The following AKAP7 variants were observed in gnomAD, a reference collection of about 807,000 sequenced individuals.
AKAP7 encodes the protein A kinase (PRKA) anchor protein 7.
Under a neutral mutation model 39.5 loss-of-function variants are expected in AKAP7, and 39 were observed. That is an observed-to-expected ratio of 0.99 (90% CI 0.76 to 1.29). The LOEUF is 1.29. AKAP7 is among the 50% of genes most tolerant of loss of function. The pLI is 0.00. For synonymous variants in AKAP7, 140 were observed against 139.1 expected (o/e 1.01, Z -0.05); for missense variants, 414 against 407.7 (o/e 1.02, Z -0.13).
At chr6:131,147,383 G>C (rs189648630) in intron 2 of AKAP7, among the ~76,000 whole-genome samples, 1 of 152,290 alleles carries the variant, frequency 6.6e-6, no homozygotes, top group Admixed American at 6.5e-5. Context: ...TTATTAAGCA[G>C]TCTTTCCCAT....
At chr6:131,148,505 G>A (rs909690831) in intron 2 of AKAP7, among the ~76,000 whole-genome samples, 5 of 151,876 alleles carry the variant, frequency 3.3e-5, no homozygotes, top group African/African-American at 1.2e-4. Flanking sequence ...GTTGCTTTCT[G>A]GCTAAAAAGA....
intron 2 of AKAP7, among the ~76,000 whole-genome samples, chr6:131,158,670 C>T (rs561723712): frequency 2.6e-5 from 4 of 152,134 alleles, no homozygotes; most frequent in African/African-American, 9.6e-5. Context: ...CCATGCCTGT[C>T]TAATTTTTGT....
intron 5 of AKAP7, among the ~76,000 whole-genome samples, chr6:131,176,718 G>C (rs78321642): frequency 2.0e-5 from 3 of 151,954 alleles, no homozygotes; most frequent in African/African-American, 7.3e-5. Context: ...ACTACATTCC[G>C]TGTTTTCTGC....
At chr6:131,254,363 T>G (rs1188460827) in intron 7 of AKAP7, among the ~76,000 whole-genome samples, 3 of 152,232 alleles carry the variant, frequency 2.0e-5, no homozygotes, top group African/African-American at 7.2e-5. Context: ...GAAAGGAATG[T>G]CTATCATGAA....
chr6:131,204,326 A>C (rs1439231803), intron 6 of AKAP7, among the ~76,000 whole-genome samples: 1 of 152,212 alleles, frequency 6.6e-6, no homozygotes, highest in Admixed American at 6.5e-5. Context: ...CATATAAATG[A>C]TATAAGCAGC....
At chr6:131,150,078 T>G (rs974490190) in intron 2 of AKAP7, among the ~76,000 whole-genome samples, 1 of 152,190 alleles carries the variant, frequency 6.6e-6, no homozygotes, top group Non-Finnish European at 1.5e-5. Flanking sequence ...CTCAGTCTCT[T>G]GAGTAGCTGG....
chr6:131,242,591 G>A (rs187567284), intron 7 of AKAP7, among the ~76,000 whole-genome samples: 1 of 151,732 alleles, frequency 6.6e-6, no homozygotes, highest in South Asian at 2.1e-4. Flanking sequence ...TTATTAAAAG[G>A]TAAACACAGA....
intron 2 of AKAP7, among the ~76,000 whole-genome samples, chr6:131,147,446 C>T (rs1562862617): frequency 6.6e-6 from 1 of 152,170 alleles, no homozygotes; most frequent in Non-Finnish European, 1.5e-5. Flanking sequence ...CTATATTTTC[C>T]TTTACAACTG....
chr6:131,157,277 A>C (rs1408123256), intron 2 of AKAP7, among the ~76,000 whole-genome samples: 2 of 152,198 alleles, frequency 1.3e-5, no homozygotes, highest in Non-Finnish European at 1.5e-5. Flanking sequence ...AAAATTACAC[A>C]GGGAAACTGA....
chr6:131,188,116 C>T (rs764616195), intron 5 of AKAP7, among the ~76,000 whole-genome samples: 7 of 152,164 alleles, frequency 4.6e-5, no homozygotes, highest in Non-Finnish European at 1.0e-4. Flanking sequence ...AAGAATGACA[C>T]TTAAAAATTC....
chr6:131,268,155 A>G (rs117005975), intron 7 of AKAP7, among the ~76,000 whole-genome samples: 2,483 of 152,256 alleles, frequency 0.016, 32 homozygotes, highest in Middle Eastern at 0.048. Context: ...TAATTAACCA[A>G]TCATTAATTA....
At chr6:131,248,427 G>A (rs1201976951) in intron 7 of AKAP7, among the ~76,000 whole-genome samples, 2 of 152,182 alleles carry the variant, frequency 1.3e-5, no homozygotes, top group Non-Finnish European at 2.9e-5. Context: ...ATTTTCCTCA[G>A]TGAAGAACGT....
intron 7 of AKAP7, among the ~76,000 whole-genome samples, chr6:131,273,940 C>CTTTTTT (rs1161809027): frequency 3.8e-5 from 5 of 130,312 alleles, no homozygotes; most frequent in Non-Finnish European, 6.7e-5. Flanking sequence ...GTTGCCTTTT[C>CTTTTTT]TTTTTTTTTT....
At position 131,282,377 on chromosome 6, in the gene AKAP7, TTATA is replaced by T. The variant is rs1259629184; in HGVS notation, c.*654_*657del. 2 of 1,441,280 alleles carry T rather than the reference TTATA, an allele frequency of 1.4e-6. No homozygotes were observed. The highest frequency in any genetic ancestry group is 2.5e-5 in the East Asian group (1 of 39,810). 89.3% of individuals were successfully genotyped at this position (1,441,280 alleles called of 1,614,324 possible). A position where few individuals can be genotyped will look rare whatever the true frequency, so the allele number is the denominator to read the frequency against. Reference sequence around the variant, plus strand: ...GTATGCCATATTTAATGAAATGTTATTATATAATTTTTTTTTCTTAGGCAAGAAA... The same window carrying T: ...GTATGCCATATTTAATGAAATGTTATTAATTTTTTTTTCTTAGGCAAGAAA... On this transcript the variant is annotated 3_prime_UTR_variant, in exon 8 of 8. Transcript: ENST00000431975.
intron 7 of AKAP7, among the ~76,000 whole-genome samples, chr6:131,235,480 C>T (rs1407611218): frequency 3.3e-5 from 5 of 152,162 alleles, no homozygotes; most frequent in African/African-American, 1.2e-4. Context: ...TGAGGAATGG[C>T]CACACTGACT....
chr6:131,158,567 G>A (rs951724131), intron 2 of AKAP7, among the ~76,000 whole-genome samples: 1 of 152,142 alleles, frequency 6.6e-6, no homozygotes, highest in African/African-American at 2.4e-5. Context: ...GAGTGCAGTG[G>A]CATCGTCTTG....
intron 1 of AKAP7, among the ~76,000 whole-genome samples, chr6:131,138,817 C>T (rs1800788845): frequency 6.6e-6 from 1 of 152,228 alleles, no homozygotes. Flanking sequence ...GTGCTTCCAG[C>T]TGTGCCTGGC....
chr6:131,252,999 G>T, intron 7 of AKAP7: 1 of 1,608,332 alleles, frequency 6.2e-7, no homozygotes, highest in Non-Finnish European at 8.5e-7. Context: ...AGTTTTTGGT[G>T]AAAGTTTAAA....
At chr6:131,201,201 C>T (rs1398502971) in intron 6 of AKAP7, among the ~76,000 whole-genome samples, 2 of 152,116 alleles carry the variant, frequency 1.3e-5, no homozygotes, top group Admixed American at 1.3e-4. Flanking sequence ...CACATTCTTC[C>T]CTCCCACTGG....
Sources: allele counts gnomAD v4.1 joint callset (sites outside exome capture counted in the v4.1 genomes callset), GRCh38; gene constraint gnomAD v4.1.1; transcripts MANE v1.5; gene names NCBI Gene and HGNC (gene_info 2026-07-23, HGNC 2026-07-21).